The following SLIT3 variants were observed in gnomAD, a reference collection of about 807,000 sequenced individuals.
SLIT3 encodes slit homolog 3 protein.
A neutral mutation model predicts 184.0 loss-of-function variants in SLIT3; 68 were observed. The observed-to-expected ratio is 0.37, with a 90% CI of 0.30 to 0.45. The LOEUF is 0.45. SLIT3 is among the 20% of genes least tolerant of loss of function. SLIT3 has a pLI of 1.00. For synonymous variants in SLIT3, 831 were observed against 828.6 expected (o/e 1.00, Z -0.05); for missense variants, 1,707 against 2,026.0 (o/e 0.84, Z 3.02).
chr5:168,895,211 T>G (rs1017500878), intron 4 of SLIT3, among the ~76,000 whole-genome samples: 2 of 152,156 alleles, frequency 1.3e-5, no homozygotes, highest in African/African-American at 4.8e-5. Flanking sequence ...TTGCTCCGGA[T>G]CTACCTAACC....
In SLIT3 at chr5:168,919,132, T is replaced by C. The variant is rs534019614; in HGVS notation, c.414-35796A>G. Among the ~76,000 whole-genome samples the C allele has an allele frequency of 1.5e-3, 222 of 151,610 alleles. 1 individual carries two copies. The highest frequency in any genetic ancestry group is 8.6e-3 in the South Asian group (41 of 4,758). Reference sequence around the variant, plus strand: ...AAAACTAGCCAAGCGTGGTGGCGGGTGCCTGTAGTCCCAGCTACTCGAGAG... The same window carrying C: ...AAAACTAGCCAAGCGTGGTGGCGGGCGCCTGTAGTCCCAGCTACTCGAGAG... On this transcript the variant is annotated intron_variant, in intron 4 of 35. Transcript: ENST00000519560.
intron 23 of SLIT3, among the ~76,000 whole-genome samples, chr5:168,715,225 A>G (rs868027427): frequency 2.3e-4 from 35 of 152,036 alleles, no homozygotes; most frequent in African/African-American, 8.5e-4. Context: ...TTTCTCAGAT[A>G]TTTTGGTTTC....
rs138472543 is a variant in SLIT3, at chr5:168,883,245, G to A, written c.485+20C>T. ...CCAAGTTAGCCACATACGTAGTGAA[G>A]CAAGGAAAACATCACTTACAGGTTC... On this transcript the variant is annotated intron_variant, in intron 5 of 35. Coordinates refer to ENST00000519560, the MANE Select transcript of SLIT3 (RefSeq NM_003062.4). The A allele has an allele frequency of 1.9e-6, 3 of 1,608,628 alleles. No homozygotes were observed. The East Asian group carries it at 6.7e-5, about 36-fold the overall frequency.
chr5:169,149,375 T>C (rs1180807687), intron 4 of SLIT3, among the ~76,000 whole-genome samples: 1 of 151,480 alleles, frequency 6.6e-6, no homozygotes, highest in Non-Finnish European at 1.5e-5. Context: ...TAATTCTCCT[T>C]GATTAATTCC....
rs555688464 is a variant in SLIT3, at chr5:168,922,781, G to A, written c.414-39445C>T. 5.3e-5 allele frequency among the ~76,000 whole-genome samples: 8 copies of A among 152,244 alleles called. No individual in the cohort carries two copies. In the South Asian group the frequency reaches 1.5e-3, roughly 28 times the overall value. On this transcript the variant is annotated intron_variant, in intron 4 of 35. Transcript: ENST00000519560. ...GATGATAAGGGAGATAAATACACAG[G>A]TAAGAGGTCTGGGCCTAAGACAAAG...
At chr5:169,078,308 T>A (rs942414426) in intron 4 of SLIT3, among the ~76,000 whole-genome samples, 1 of 152,168 alleles carries the variant, frequency 6.6e-6, no homozygotes, top group Non-Finnish European at 1.5e-5. Context: ...TCTGGTTTCC[T>A]CTCCACCTTC....
chr5:169,201,871 G>C (rs756143640), intron 3 of SLIT3, among the ~76,000 whole-genome samples: 12 of 152,170 alleles, frequency 7.9e-5, no homozygotes, highest in Non-Finnish European at 1.5e-4. Context: ...AAATCTACAG[G>C]AACACTTGGA....
intron 4 of SLIT3, among the ~76,000 whole-genome samples, chr5:169,167,915 C>T (rs1762693680): frequency 6.6e-6 from 1 of 152,188 alleles, no homozygotes; most frequent in Non-Finnish European, 1.5e-5. Context: ...CATAATTTGC[C>T]CCAGTTTGCC....
At chr5:168,986,909 G>A (rs550143889) in intron 4 of SLIT3, among the ~76,000 whole-genome samples, 23 of 152,328 alleles carry the variant, frequency 1.5e-4, no homozygotes, top group Admixed American at 4.6e-4. Context: ...TTAGCCGGGC[G>A]TGGTGGCACG....
intron 4 of SLIT3, among the ~76,000 whole-genome samples, chr5:169,062,097 T>C (rs1425151096): frequency 6.6e-6 from 1 of 152,022 alleles, no homozygotes; most frequent in Non-Finnish European, 1.5e-5. Context: ...GACAGGAGAA[T>C]GGTGTGAACC....
At chr5:169,102,239 G>C (rs295989) in intron 4 of SLIT3, among the ~76,000 whole-genome samples, 112,475 of 152,142 alleles carry the variant, frequency 0.74, 41,775 homozygotes, top group Middle Eastern at 0.84. Flanking sequence ...CTGAAGGGGA[G>C]AGTTGAAATC....
At chr5:168,827,271 TAC>T (rs1004512668) in intron 6 of SLIT3, among the ~76,000 whole-genome samples, 150 of 152,324 alleles carry the variant, frequency 9.8e-4, no homozygotes, top group Middle Eastern at 6.8e-3. Flanking sequence ...TTTATTCTCT[TAC>T]AGTTTTGCAG....
rs199918063 is a variant in SLIT3 at position 168,722,272 on chromosome 5, G to T, written c.2467C>A (p.Arg823=). The T allele has an allele frequency of 1.2e-6, 2 of 1,614,048 alleles. No homozygotes were observed. Among genetic ancestry groups the T allele is most frequent in the Non-Finnish European group, 1.7e-6 (2 of 1,179,962 alleles). Residue 823 remains arginine, a synonymous_variant, in exon 23 of 36, where the codon CGG becomes AGG. Coordinates refer to ENST00000519560, the MANE Select transcript of SLIT3 (RefSeq NM_003062.4). ...CIPVHAFNGL[R]SLRVLTLHGN... ...GGTACTCACAGCACTCGCAGGGACC[G>T]CAGCCCGTTGAAGGCGTGGACGGGG...
chr5:168,768,118 C>A, intron 14 of SLIT3: 1 of 475,164 alleles, frequency 2.1e-6, no homozygotes. Flanking sequence ...AGGTGTCCAG[C>A]GGTGGTGGCG....
At chr5:169,222,397 T>C (rs929415746) in intron 3 of SLIT3, among the ~76,000 whole-genome samples, 4 of 152,164 alleles carry the variant, frequency 2.6e-5, no homozygotes, top group African/African-American at 7.2e-5. Flanking sequence ...ATAGACTCCA[T>C]TGTGTCTTTA....
At chr5:168,815,197 C>A (rs957380292) in intron 8 of SLIT3, among the ~76,000 whole-genome samples, 1 of 152,224 alleles carries the variant, frequency 6.6e-6, no homozygotes, top group Non-Finnish European at 1.5e-5. Context: ...CACGTAACTA[C>A]GAACCTGTCC....
chr5:168,756,877 CTG>C (rs1261117335), intron 16 of SLIT3, among the ~76,000 whole-genome samples: 1 of 152,154 alleles, frequency 6.6e-6, no homozygotes, highest in Non-Finnish European at 1.5e-5. Context: ...TTCCTGACAT[CTG>C]TTTCTTTAAA....
chr5:169,175,932 A>G (rs1198112752), intron 4 of SLIT3, among the ~76,000 whole-genome samples: 2 of 152,222 alleles, frequency 1.3e-5, no homozygotes, highest in Admixed American at 6.5e-5. Flanking sequence ...AGGAAGCCAT[A>G]TGGACCTTGC....
At chr5:168,717,461 T>A (rs548051968) in intron 23 of SLIT3, among the ~76,000 whole-genome samples, 59 of 152,242 alleles carry the variant, frequency 3.9e-4, no homozygotes, top group African/African-American at 1.1e-3. Flanking sequence ...CTTTCAGGTA[T>A]CGCCTTGTGT....
Sources: gnomAD v4.1 joint callset for allele counts (sites outside exome capture counted in the v4.1 genomes callset) on GRCh38, gnomAD v4.1.1 for gene constraint, MANE v1.5 for transcripts, NCBI Gene and HGNC (gene_info 2026-07-23, HGNC 2026-07-21) for gene names.